Variants in CHRM2 observed in about 807,000 individuals in gnomAD.
The protein encoded by CHRM2 is muscarinic acetylcholine receptor M2.
CHRM2 carries 8 observed loss-of-function variants against 25.0 expected under a neutral mutation model. That is an observed-to-expected ratio of 0.32 (90% CI 0.19 to 0.58). The LOEUF (loss-of-function observed/expected upper bound fraction) is 0.58. Among genes scored for constraint, CHRM2 ranks in the 20% least tolerant of loss-of-function variants. CHRM2 has a pLI of 0.88. For synonymous variants in CHRM2, 202 were observed against 205.7 expected (o/e 0.98, Z 0.15); for missense variants, 440 against 567.1 (o/e 0.78, Z 2.28).
intron 2 of CHRM2, among the ~76,000 whole-genome samples, chr7:136,933,246 A>G (rs1799217211): frequency 6.6e-6 from 1 of 152,224 alleles, no homozygotes; most frequent in Non-Finnish European, 1.5e-5. Context: ...TCCAATTAAA[A>G]GATGGGCAAA....
chr7:136,993,336 C>A (rs1029137353), intron 3 of CHRM2, among the ~76,000 whole-genome samples: 14 of 152,164 alleles, frequency 9.2e-5, no homozygotes, highest in African/African-American at 3.4e-4. Context: ...AGTCTGAGCA[C>A]CATCTCTTAC....
chr7:136,969,058 TAAGG>T (rs1190525257), intron 2 of CHRM2, among the ~76,000 whole-genome samples: 1 of 152,110 alleles, frequency 6.6e-6, no homozygotes, highest in African/African-American at 2.4e-5. Flanking sequence ...AAGAATCCTT[TAAGG>T]AAGTAGAGAA....
In CHRM2 at chr7:136,992,731, C is replaced by A. The variant is rs560343261; in HGVS notation, c.-47+467C>A. Among the ~76,000 whole-genome samples, 8 of 152,308 alleles carry A rather than the reference C, an allele frequency of 5.3e-5. No individual in the cohort carries two copies. The East Asian group carries it at 1.5e-3, about 29-fold the overall frequency. On this transcript the variant is annotated intron_variant, in intron 3 of 3. Transcript: ENST00000680005. ...TAACAAGGATTGACTGACTCTCTCT[C>A]TCCCTCTGTCTTTCTCTCTATCTAA...
At chr7:136,947,572 A>G (rs1330346488) in intron 2 of CHRM2, among the ~76,000 whole-genome samples, 2 of 152,214 alleles carry the variant, frequency 1.3e-5, no homozygotes, top group African/African-American at 2.4e-5. Flanking sequence ...CCATCTGCCC[A>G]GGAGGCCTCT....
rs576328252 is a variant in CHRM2 at position 136,970,280 on chromosome 7, CTTTATCT to C, written c.-124-21899_-124-21893del. ...TCTTTATCTCTTTTTGTCTCTATCTCTTTATCTTTTATCTCCCTTACCTAATCCTTCT... is the reference window on the plus strand; with the variant it reads ...TCTTTATCTCTTTTTGTCTCTATCTCTTTATCTCCCTTACCTAATCCTTCT... On this transcript the variant is annotated intron_variant, in intron 2 of 3. Transcript: ENST00000680005. Among the ~76,000 whole-genome samples the C allele has an allele frequency of 1.3e-4, 20 of 152,220 alleles. No homozygotes were observed. In the South Asian group the frequency reaches 1.9e-3, roughly 14 times the overall value.
chr7:136,933,521 G>A (rs1198212255), intron 2 of CHRM2, among the ~76,000 whole-genome samples: 1 of 152,064 alleles, frequency 6.6e-6, no homozygotes, highest in African/African-American at 2.4e-5. Context: ...AAATATTTTG[G>A]TATTTCTTCA....
intron 2 of CHRM2, chr7:136,902,541 T>C (rs1010808128): frequency 3.3e-5 from 5 of 152,390 alleles, no homozygotes; most frequent in African/African-American, 1.2e-4. Context: ...TAGATGACTC[T>C]TATGAACTCA....
At chr7:136,957,052 G>C (rs892067489) in intron 2 of CHRM2, among the ~76,000 whole-genome samples, 1 of 152,104 alleles carries the variant, frequency 6.6e-6, no homozygotes, top group Non-Finnish European at 1.5e-5. Flanking sequence ...GTTTTGGCCT[G>C]GATTGACAAT....
intron 2 of CHRM2, among the ~76,000 whole-genome samples, chr7:136,920,544 A>T (rs1240973892): frequency 6.6e-6 from 1 of 152,124 alleles, no homozygotes; most frequent in Non-Finnish European, 1.5e-5. Context: ...TGGGGGAATC[A>T]TGAAGGCACT....
At chr7:136,979,504 T>G (rs1420711643) in intron 2 of CHRM2, among the ~76,000 whole-genome samples, 1 of 152,202 alleles carries the variant, frequency 6.6e-6, no homozygotes, top group African/African-American at 2.4e-5. Context: ...GGTATTTCAG[T>G]CATGAAGCCT....
chr7:136,954,889 G>A (rs925692729), intron 2 of CHRM2, among the ~76,000 whole-genome samples: 2 of 152,128 alleles, frequency 1.3e-5, no homozygotes, highest in African/African-American at 4.8e-5. Context: ...ACTATAGATT[G>A]TTGCCTCCCT....
At chr7:136,986,489 A>T (rs1361914071) in intron 2 of CHRM2, among the ~76,000 whole-genome samples, 1 of 152,202 alleles carries the variant, frequency 6.6e-6, no homozygotes, top group Non-Finnish European at 1.5e-5. Context: ...CAAGGTCCTG[A>T]TCACAGTTAG....
Position 137,015,958 on chromosome 7 carries a change from A to G in CHRM2, c.1093A>G (p.Ile365Val), listed in dbSNP as rs1296065108. 3 of 1,613,048 alleles carry G rather than the reference A, an allele frequency of 1.9e-6. No homozygotes were observed. The highest frequency in any genetic ancestry group is 2.5e-6 in the Non-Finnish European group (3 of 1,179,450). ...AAAGCAGAATATTGTAGCCCGCAAG[A>G]TTGTGAAGATGACTAAGCAGCCTGC... ...DEKQNIVARK[I>V]VKMTKQPAKK... Residue 365 changes from isoleucine to valine, a missense_variant, in exon 4 of 4, where the codon ATT (isoleucine) becomes GTT (valine). Around this residue, in one of 5 missense-constraint regions of CHRM2, gnomAD observed 261 missense variants for 261.8 expected, o/e 1.00. Transcript: ENST00000680005. This position sits in a 1 kb window ranked among gnomAD's most constrained non-coding sequence, Gnocchi z 5.1.
intron 2 of CHRM2, among the ~76,000 whole-genome samples, chr7:136,878,682 C>T (rs1318260651): frequency 6.6e-6 from 1 of 151,842 alleles, no homozygotes; most frequent in Non-Finnish European, 1.5e-5. Flanking sequence ...TGTTTCTATA[C>T]CTCATGCCCA....
At chr7:136,889,454 A>G (rs960319286) in intron 2 of CHRM2, among the ~76,000 whole-genome samples, 12 of 152,314 alleles carry the variant, frequency 7.9e-5, no homozygotes, top group African/African-American at 2.6e-4. Flanking sequence ...CCAAATGAGG[A>G]ACAAAAGTAT....
intron 2 of CHRM2, among the ~76,000 whole-genome samples, chr7:136,972,264 G>C (rs2130935233): frequency 6.6e-6 from 1 of 152,056 alleles, no homozygotes; most frequent in Admixed American, 6.6e-5. Context: ...TTTCTTAAAA[G>C]TCTCTTTGAC....
intron 2 of CHRM2, among the ~76,000 whole-genome samples, chr7:136,956,302 C>A (rs1800720499): frequency 6.6e-6 from 1 of 152,064 alleles, no homozygotes; most frequent in Non-Finnish European, 1.5e-5. Context: ...TTGATTCCTC[C>A]TTGGTTTTTA....
chr7:136,996,889 T>C (rs965014411), intron 3 of CHRM2, among the ~76,000 whole-genome samples: 3 of 152,356 alleles, frequency 2.0e-5, no homozygotes, highest in African/African-American at 7.2e-5. Context: ...GGCTTCTCAG[T>C]ATTTTATGAC....
In CHRM2 at chr7:136,955,486, T is replaced by C. The variant is rs546558925; in HGVS notation, c.-124-36701T>C. On this transcript the variant is annotated intron_variant, in intron 2 of 3. Coordinates refer to ENST00000680005, the MANE Select transcript of CHRM2 (RefSeq NM_001006630.2). ...ATAAGATGGGATACATTCAACCTTA[T>C]GCACTGTCACCTATTATTCGTCAAA... is the stretch of plus-strand genomic sequence containing the variant. 1.3e-3 allele frequency among the ~76,000 whole-genome samples: 204 copies of C among 152,324 alleles called. 1 individual carries two copies. Among genetic ancestry groups the C allele is most frequent in the African/African-American group, 4.7e-3 (197 of 41,566 alleles).
Sources: gnomAD v4.1 joint callset for allele counts (sites outside exome capture counted in the v4.1 genomes callset) on GRCh38, gnomAD v4.1.1 for gene constraint, gnomAD v4.1.1 regional missense constraint, Gnocchi (gnomAD v3.1) non-coding constraint, MANE v1.5 for transcripts, NCBI Gene and HGNC (gene_info 2026-07-23, HGNC 2026-07-21) for gene names.